RANBP2: variants seen among roughly 807,000 people sequenced by gnomAD.
RANBP2 encodes RAN binding protein 2.
In RANBP2, 57 loss-of-function variants were observed where a neutral mutation model predicts 303.6. The observed-to-expected ratio is 0.19, with a 90% CI of 0.15 to 0.23. The LOEUF (loss-of-function observed/expected upper bound fraction) is 0.23, where lower values mean the gene tolerates loss of function less well. Among genes scored for constraint, RANBP2 ranks in the 10% least tolerant of loss-of-function variants. RANBP2 has a pLI of 1.00. For missense variants in RANBP2, 3,138 were observed against 3,780.8 expected (o/e 0.83, Z 4.46); for synonymous variants, 1,167 against 1,301.5 (o/e 0.90, Z 2.23).
At chr2:109,092,066 A>G in the RANBP2 span, among the ~76,000 whole-genome samples, 2 of 151,970 alleles carry the variant, frequency 1.3e-5, no homozygotes, top group Admixed American at 1.3e-4. Flanking sequence ...ATAATCTTGG[A>G]GTTCTTGGTT....
chr2:109,136,528 C>T, the RANBP2 span, among the ~76,000 whole-genome samples: 1 of 152,146 alleles, frequency 6.6e-6, no homozygotes, highest in Non-Finnish European at 1.5e-5. Flanking sequence ...TATAAAGTTG[C>T]AGCATGATTT....
chr2:109,688,567 G>A, the RANBP2 span, among the ~76,000 whole-genome samples: 2 of 151,954 alleles, frequency 1.3e-5, no homozygotes, highest in Admixed American at 1.3e-4. Context: ...ACGAGGTCAA[G>A]AGATCAAGAC....
At chr2:108,846,676 CAAAA>C in the RANBP2 span, 2 of 1,417,258 alleles carry the variant, frequency 1.4e-6, no homozygotes, top group Non-Finnish European at 1.9e-6. Context: ...GACTGTGTCT[CAAAA>C]AAAAAGATAT....
the RANBP2 span, among the ~76,000 whole-genome samples, chr2:109,511,533 C>A: frequency 4.6e-5 from 7 of 152,198 alleles, no homozygotes; most frequent in African/African-American, 1.7e-4. Context: ...GGTGCCTGGA[C>A]CACATGGCAA....
the RANBP2 span, among the ~76,000 whole-genome samples, chr2:109,496,786 A>AG: frequency 0.53 from 80,131 of 152,022 alleles, 21,530 homozygotes; most frequent in East Asian, 0.69. Context: ...GCAAAGAGAA[A>AG]TCAGGTTGCA....
chr2:109,360,275 T>C, the RANBP2 span, among the ~76,000 whole-genome samples: 111 of 152,324 alleles, frequency 7.3e-4, 1 homozygote, highest in African/African-American at 2.5e-3. Flanking sequence ...TAAATACTTA[T>C]GTGTGAATAA....
the RANBP2 span, among the ~76,000 whole-genome samples, chr2:109,287,232 C>T: frequency 6.6e-6 from 1 of 152,092 alleles, no homozygotes; most frequent in African/African-American, 2.4e-5. Flanking sequence ...TTTTTCTGCT[C>T]GGGTCTAGCG....
chr2:109,206,490 C>CAAAA, the RANBP2 span, among the ~76,000 whole-genome samples: 30 of 40,724 alleles, frequency 7.4e-4, no homozygotes, highest in African/African-American at 8.9e-4. Context: ...GACTCCGTCT[C>CAAAA]AAAAAAAAAA....
At chr2:109,483,808 T>G in the RANBP2 span, among the ~76,000 whole-genome samples, 1 of 152,128 alleles carries the variant, frequency 6.6e-6, no homozygotes, top group Non-Finnish European at 1.5e-5. Flanking sequence ...TGGGGTTGCC[T>G]TCCCTGTAAA....
At chr2:109,101,849 G>T in the RANBP2 span, among the ~76,000 whole-genome samples, 1 of 152,120 alleles carries the variant, frequency 6.6e-6, no homozygotes, top group Non-Finnish European at 1.5e-5. Context: ...TGTTTTAGGC[G>T]CTGGTGAGCC....
At chr2:109,497,214 A>T in the RANBP2 span, among the ~76,000 whole-genome samples, 1 of 152,336 alleles carries the variant, frequency 6.6e-6, no homozygotes, top group East Asian at 1.9e-4. Context: ...TGTCCAGGGT[A>T]TAGAAGTATT....
the RANBP2 span, among the ~76,000 whole-genome samples, chr2:109,683,643 G>A: frequency 4.6e-5 from 7 of 152,022 alleles, no homozygotes; most frequent in African/African-American, 1.2e-4. Flanking sequence ...TCCACCGAGC[G>A]CTGGACTCAT....
the RANBP2 span, chr2:109,503,095 C>G: frequency 6.6e-6 from 1 of 152,166 alleles, no homozygotes; most frequent in South Asian, 2.1e-4. Context: ...CACCATGGCT[C>G]ACTTCCCAGG....
At chr2:109,677,349 G>T in the RANBP2 span, among the ~76,000 whole-genome samples, 1 of 152,160 alleles carries the variant, frequency 6.6e-6, no homozygotes, top group African/African-American at 2.4e-5. Context: ...GGGGCAGGGG[G>T]CTTGTGTTCT....
chr2:109,363,725 C>G, the RANBP2 span, among the ~76,000 whole-genome samples: 4 of 152,128 alleles, frequency 2.6e-5, no homozygotes, highest in Non-Finnish European at 5.9e-5. Flanking sequence ...AGGATAATTT[C>G]ACAGGTACAG....
the RANBP2 span, among the ~76,000 whole-genome samples, chr2:109,455,401 A>C: frequency 6.6e-6 from 1 of 152,370 alleles, no homozygotes; most frequent in East Asian, 1.9e-4. Flanking sequence ...TTGGTCTGAA[A>C]GGAACAGAGG....
the RANBP2 span, among the ~76,000 whole-genome samples, chr2:109,586,586 A>G: frequency 2.4e-4 from 36 of 152,348 alleles, no homozygotes; most frequent in African/African-American, 8.7e-4. Context: ...ACTCCACTCA[A>G]ATCCATGGCT....
At chr2:109,297,102 GC>G in the RANBP2 span, among the ~76,000 whole-genome samples, 1 of 151,934 alleles carries the variant, frequency 6.6e-6, no homozygotes, top group Non-Finnish European at 1.5e-5. Flanking sequence ...GGGATGGGAA[GC>G]CCAATACGGC....
downstream of RANBP2, chr2:108,787,025 C>CGGCACT (rs1558953670): frequency 3.4e-6 from 2 of 590,428 alleles, no homozygotes; most frequent in African/African-American, 3.9e-5. Flanking sequence ...GTCCCGGCCC[C>CGGCACT]GGCACTCCCG....
Sources: gnomAD v4.1 joint callset for allele counts (sites outside exome capture counted in the v4.1 genomes callset) on GRCh38, gnomAD v4.1.1 for gene constraint, MANE v1.5 for transcripts, NCBI Gene and HGNC (gene_info 2026-07-23, HGNC 2026-07-21) for gene names.